GHR: variants seen among roughly 807,000 people sequenced by gnomAD.
GHR encodes the protein GH receptor.
A neutral mutation model predicts 67.1 loss-of-function variants in GHR; 35 were observed. That is an observed-to-expected ratio of 0.52 (90% CI 0.40 to 0.69). The LOEUF is 0.69. Among genes scored for constraint, GHR ranks in the 30% least tolerant of loss-of-function variants. The pLI, the probability that GHR is intolerant of heterozygous loss-of-function variation, is 0.00. For synonymous variants in GHR, 272 were observed against 269.1 expected (o/e 1.01, Z -0.10); for missense variants, 792 against 764.6 (o/e 1.04, Z -0.42).
At chr5:42,439,009 T>C (rs531293365) in intron 1 of GHR, among the ~76,000 whole-genome samples, 1 of 152,180 alleles carries the variant, frequency 6.6e-6, no homozygotes, top group Non-Finnish European at 1.5e-5. Flanking sequence ...ATTGTTTTAA[T>C]TTTACTAAAT....
chr5:42,534,140 G>A (rs1748110318), intron 1 of GHR, among the ~76,000 whole-genome samples: 1 of 146,940 alleles, frequency 6.8e-6, no homozygotes, highest in African/African-American at 2.5e-5. Context: ...ATGTACATAT[G>A]TATATATGTA....
intron 5 of GHR, among the ~76,000 whole-genome samples, chr5:42,699,407 G>T (rs1173854205): frequency 1.3e-5 from 2 of 152,150 alleles, no homozygotes; most frequent in Admixed American, 6.5e-5. Flanking sequence ...AAGAAAAAAG[G>T]TTTCTCTACC....
intron 2 of GHR, among the ~76,000 whole-genome samples, chr5:42,578,749 T>A (rs1403249286): frequency 3.9e-5 from 6 of 152,196 alleles, no homozygotes. Flanking sequence ...GGGACACTAC[T>A]GAAGTGGTAT....
chr5:42,480,192 C>T (rs151154988), intron 1 of GHR, among the ~76,000 whole-genome samples: 2,632 of 152,162 alleles, frequency 0.017, 74 homozygotes, highest in African/African-American at 0.061. Context: ...TGTAGTAGAG[C>T]GGTTTTGAGT....
intron 6 of GHR, among the ~76,000 whole-genome samples, chr5:42,701,645 GAA>G (rs891352196): frequency 6.6e-6 from 1 of 152,100 alleles, no homozygotes; most frequent in African/African-American, 2.4e-5. Context: ...TTTTGCAATG[GAA>G]AAAATTTGAC....
chr5:42,610,494 G>A (rs1427875342), intron 2 of GHR, among the ~76,000 whole-genome samples: 2 of 152,086 alleles, frequency 1.3e-5, no homozygotes, highest in Middle Eastern at 3.2e-3. Context: ...GGGAATGCAG[G>A]GTTTGGCTGC....
rs6413484 is a variant in GHR at position 42,699,868 on chromosome 5, G to A, written c.484G>A (p.Val162Ile). The change falls in exon 6 of 10, where the codon GTC (valine) becomes ATC (isoleucine). Residue 162 changes from valine to isoleucine, a missense_variant. Val to Ile is a conservative substitution (Grantham distance 29). Transcript: ENST00000230882. ...PIALNWTLLN[V>I]SLTGIHADIQ... ...TGCCCTCAACTGGACTTTACTGAAC[G>A]TCAGTTTAACTGGGATTCATGCAGA... The A allele has an allele frequency of 7.8e-4, 1,260 of 1,610,894 alleles. 16 individuals are homozygous for A. In the African/African-American group the frequency reaches 0.013, roughly 16 times the overall value.
intron 2 of GHR, among the ~76,000 whole-genome samples, chr5:42,570,397 C>A (rs1001629845): frequency 1.2e-4 from 19 of 152,204 alleles, no homozygotes; most frequent in African/African-American, 4.6e-4. Flanking sequence ...TGGAGTTCAG[C>A]AGGTCACAGC....
chr5:42,499,589 C>A (rs1746454703), intron 1 of GHR, among the ~76,000 whole-genome samples: 1 of 152,162 alleles, frequency 6.6e-6, no homozygotes, highest in Admixed American at 6.5e-5. Context: ...TGTTTCACTC[C>A]AGGCACAGGC....
rs796923762 is a variant in GHR at position 42,596,306 on chromosome 5, G to GA, written c.70+30373dup. ...TGGGTTCCTACCTCCAAAGGAGATG[G>GA]AAAAAAAAAAACAGGCAAGTAAATA... On this transcript the variant is annotated intron_variant, in intron 2 of 9. Coordinates refer to ENST00000230882, the MANE Select transcript of GHR (RefSeq NM_000163.5). Among the ~76,000 whole-genome samples, 789 of 143,270 alleles carry GA rather than the reference G, an allele frequency of 5.5e-3. 6 individuals are homozygous for GA. The highest frequency in any genetic ancestry group is 0.017 in the African/African-American group (652 of 39,208). 94.0% of individuals were successfully genotyped at this position (143,270 alleles called of 152,430 possible).
At position 42,440,232 on chromosome 5, in the gene GHR, G is replaced by T. The variant is rs527956491; in HGVS notation, c.-12+16277G>T. ...GCTGCATTTCATAGTCTAGGACGGA[G>T]AAAGGCATTAACCAAGTATAATTTA... On this transcript the variant is annotated intron_variant, in intron 1 of 9. Coordinates refer to ENST00000230882, the MANE Select transcript of GHR (RefSeq NM_000163.5). Among the ~76,000 whole-genome samples, 12 of 152,348 alleles carry T rather than the reference G, an allele frequency of 7.9e-5. No homozygotes were observed. The South Asian group carries it at 2.5e-3, about 32-fold the overall frequency.
chr5:42,688,811 A>T, intron 3 of GHR, 79 bp from the exon 4 acceptor site: 1 of 1,313,886 alleles, frequency 7.6e-7, no homozygotes, highest in South Asian at 1.2e-5. Context: ...GTTTCTTCAC[A>T]CACTTTAGAT....
intron 2 of GHR, among the ~76,000 whole-genome samples, chr5:42,598,576 T>C (rs1223543785): frequency 6.6e-6 from 1 of 152,222 alleles, no homozygotes; most frequent in African/African-American, 2.4e-5. Context: ...ATTTATTCTG[T>C]TCCTTTCCAA....
intron 1 of GHR, among the ~76,000 whole-genome samples, chr5:42,543,908 CA>C (rs1748623243): frequency 6.6e-6 from 1 of 152,010 alleles, no homozygotes; most frequent in African/African-American, 2.4e-5. Context: ...GTACTACTCT[CA>C]ATTTTTTTTT....
intron 2 of GHR, among the ~76,000 whole-genome samples, chr5:42,577,388 A>G (rs1289991713): frequency 6.6e-6 from 1 of 152,198 alleles, no homozygotes; most frequent in Non-Finnish European, 1.5e-5. Flanking sequence ...AAAAACATTC[A>G]AATGGGTTAC....
At chr5:42,683,457 T>A (rs189613193) in intron 3 of GHR, among the ~76,000 whole-genome samples, 149 of 152,326 alleles carry the variant, frequency 9.8e-4, no homozygotes, top group African/African-American at 3.4e-3. Flanking sequence ...GAAGTCTCAA[T>A]CTTTTGTAAC....
chr5:42,503,183 A>G (rs918569067), intron 1 of GHR, among the ~76,000 whole-genome samples: 1 of 152,160 alleles, frequency 6.6e-6, no homozygotes, highest in Non-Finnish European at 1.5e-5. Context: ...TGAGCAATAC[A>G]AGGAAAAATT....
intron 1 of GHR, among the ~76,000 whole-genome samples, chr5:42,477,602 G>C (rs1444862022): frequency 2.0e-5 from 3 of 152,178 alleles, no homozygotes; most frequent in Non-Finnish European, 2.9e-5. Flanking sequence ...GTATCTCATA[G>C]TGGTTTTGAT....
At chr5:42,425,371 C>A (rs1381634830) in intron 1 of GHR, among the ~76,000 whole-genome samples, 1 of 152,176 alleles carries the variant, frequency 6.6e-6, no homozygotes, top group East Asian at 1.9e-4. Context: ...TCTTTTCTTG[C>A]AGACATGGGA....
Sources: allele counts gnomAD v4.1 joint callset (sites outside exome capture counted in the v4.1 genomes callset), GRCh38; gene constraint gnomAD v4.1.1; transcripts MANE v1.5; gene names NCBI Gene and HGNC (gene_info 2026-07-23, HGNC 2026-07-21).